Variants in BSN observed in about 807,000 individuals in gnomAD.
BSN encodes protein bassoon.
BSN carries 57 observed loss-of-function variants against 264.8 expected under a neutral mutation model. That is an observed-to-expected ratio of 0.22 (90% CI 0.17 to 0.27). The LOEUF is 0.27. Among genes scored for constraint, BSN ranks in the 10% least tolerant of loss-of-function variants. The pLI is 1.00. For missense variants in BSN, 4,615 were observed against 5,232.5 expected (o/e 0.88, Z 3.64); for synonymous variants, 2,059 against 2,137.3 (o/e 0.96, Z 1.01).
Position 49,655,714 on chromosome 3 carries a change from C to T in BSN, c.6158C>T (p.Ala2053Val), listed in dbSNP as rs1396429656. 6.2e-7 allele frequency: 1 copy of T among 1,613,560 alleles called. No individual in the cohort carries two copies. The highest frequency in any genetic ancestry group is 8.5e-7 in the Non-Finnish European group (1 of 1,180,038). The change falls in exon 5 of 12, where the codon GCT becomes GTT. Residue 2053 changes from alanine (A) to valine (V), a missense_variant. Physicochemically the swap from Ala to Val is moderately conservative, Grantham distance 64 (BLOSUM62 0). This residue lies in a region of BSN where 3,415 missense variants were observed against 3,866.4 expected (regional missense o/e 0.88). Transcript: ENST00000296452. ...CTGCGTCATCCTACAGACCTTTTGG[C>T]TCACCCGCTTCCCATGCGGCGCTAT... ...TDLRHPTDLL[A>V]HPLPMRRYSS...
chr3:49,569,714 A>G (rs143029006), intron 1 of BSN, among the ~76,000 whole-genome samples: 1 of 152,194 alleles, frequency 6.6e-6, no homozygotes, highest in Non-Finnish European at 1.5e-5. Context: ...GGCTCATTCT[A>G]TTGGCTCTAG....
chr3:49,614,241 A>G (rs371568185), intron 1 of BSN, among the ~76,000 whole-genome samples: 8 of 151,772 alleles, frequency 5.3e-5, no homozygotes, highest in Admixed American at 2.0e-4. Flanking sequence ...TTGTATTTTT[A>G]GTAGAGACAG....
At chr3:49,598,802 T>C (rs138873126) in intron 1 of BSN, among the ~76,000 whole-genome samples, 92 of 152,254 alleles carry the variant, frequency 6.0e-4, no homozygotes, top group African/African-American at 2.1e-3. Context: ...TTCAACATAG[T>C]AATGGAAGTT....
intron 3 of BSN, among the ~76,000 whole-genome samples, chr3:49,649,550 G>A (rs912613879): frequency 6.6e-6 from 1 of 152,216 alleles, no homozygotes; most frequent in African/African-American, 2.4e-5. Flanking sequence ...ACATGCCCCT[G>A]TCAGCCTCAG....
intron 1 of BSN, among the ~76,000 whole-genome samples, chr3:49,564,215 G>A (rs928101238): frequency 6.6e-6 from 1 of 152,142 alleles, no homozygotes; most frequent in African/African-American, 2.4e-5. Flanking sequence ...TCTGAAGGAT[G>A]CGGGGCCTTC....
chr3:49,629,235 C>T (rs1321095570), intron 2 of BSN, among the ~76,000 whole-genome samples: 1 of 152,264 alleles, frequency 6.6e-6, no homozygotes, highest in African/African-American at 2.4e-5. Context: ...GCATCAGTGC[C>T]TTTGCTAATG....
intron 1 of BSN, among the ~76,000 whole-genome samples, chr3:49,589,258 T>C (rs2051959692): frequency 6.6e-6 from 1 of 151,668 alleles, no homozygotes; most frequent in Admixed American, 6.6e-5. Flanking sequence ...TAGTTTATAG[T>C]GTTGCTCAAG....
chr3:49,642,157 G>T lies in BSN; in HGVS notation c.634-111G>T. On this transcript the variant is annotated intron_variant, in intron 2 of 11. Transcript: ENST00000296452. The surrounding 1 kb of genome is among the most constrained non-coding windows in gnomAD (Gnocchi z 7.0). ...CAGAAATGCCTGAGCAGGGCTTGGT[G>T]CTCCTGCCTGTGCTAGGAGTGGCCT... is the stretch of plus-strand genomic sequence containing the variant. 1.2e-6 allele frequency: 1 copy of T among 851,508 alleles called. No homozygotes were observed. The highest frequency in any genetic ancestry group is 1.7e-6 in the Non-Finnish European group (1 of 594,252). The allele number at this position is 851,508 out of a possible 1,614,324, so 52.7% of individuals were successfully genotyped here. A position where few individuals can be genotyped will look rare whatever the true frequency, so the allele number is the denominator to read the frequency against.
Position 49,654,137 on chromosome 3 carries a change from A to C in BSN, c.4581A>C (p.Ser1527=), listed in dbSNP as rs1420754706. 5.6e-6 allele frequency: 9 copies of C among 1,613,712 alleles called. No homozygotes were observed. The highest frequency in any genetic ancestry group is 7.6e-6 in the Non-Finnish European group (9 of 1,179,990). ...MPRSPGAPTP[S]PMVAQGTQTP... Reference sequence around the variant, plus strand: ...GGAGCCCTGGTGCCCCCACTCCATCACCTATGGTAGCCCAGGGTACACAAA... The same window carrying C: ...GGAGCCCTGGTGCCCCCACTCCATCCCCTATGGTAGCCCAGGGTACACAAA... The change falls in exon 5 of 12, where the codon TCA becomes TCC. Residue 1527 remains serine, a synonymous_variant. Transcript: ENST00000296452. The surrounding 1 kb of genome is among the most constrained non-coding windows in gnomAD (Gnocchi z 4.1).
chr3:49,643,771 G>C (rs1033776944), intron 3 of BSN, among the ~76,000 whole-genome samples: 9 of 152,220 alleles, frequency 5.9e-5, no homozygotes, highest in Admixed American at 5.9e-4. Context: ...CCTTAGAGCT[G>C]CTACTGGGGA....
At chr3:49,555,564 A>G (rs1176458938) in intron 1 of BSN, among the ~76,000 whole-genome samples, 3 of 152,252 alleles carry the variant, frequency 2.0e-5, no homozygotes, top group South Asian at 2.1e-4. Flanking sequence ...AGAATGCTTT[A>G]AACAGAACAT....
chr3:49,583,583 C>T (rs1029621549), intron 1 of BSN, among the ~76,000 whole-genome samples: 1 of 151,976 alleles, frequency 6.6e-6, no homozygotes, highest in African/African-American at 2.4e-5. Flanking sequence ...GCATTCCAGC[C>T]TGGATGACAG....
At chr3:49,667,331 CT>C (rs1412418491) in intron 11 of BSN, among the ~76,000 whole-genome samples, 6 of 144,494 alleles carry the variant, frequency 4.2e-5, no homozygotes, top group Non-Finnish European at 4.5e-5. Context: ...AAAAAAGGAA[CT>C]TTTGTTACAT....
chr3:49,623,242 C>T (rs1036115416), intron 1 of BSN, among the ~76,000 whole-genome samples: 35 of 152,184 alleles, frequency 2.3e-4, no homozygotes, highest in African/African-American at 7.7e-4. Flanking sequence ...GCAGCAGCTA[C>T]CAGGGCAGTC....
In BSN at chr3:49,658,042, C is replaced by T. The variant is rs777274171; in HGVS notation, c.8486C>T (p.Thr2829Met). The T allele has an allele frequency of 1.3e-5, 21 of 1,613,380 alleles. No individual in the cohort carries two copies. The highest frequency in any genetic ancestry group is 6.6e-5 in the South Asian group (6 of 91,082). Reference protein sequence around the residue: ...KAHVSPQKHFTADSALRQQTL... With the variant: ...KAHVSPQKHFMADSALRQQTL... Reference sequence around the variant, plus strand: ...CACGTGAGTCCCCAGAAGCACTTCACGGCTGACAGCGCTCTCCGCCAGCAG... The same window carrying T: ...CACGTGAGTCCCCAGAAGCACTTCATGGCTGACAGCGCTCTCCGCCAGCAG... Residue 2829 changes from threonine (T) to methionine (M), a missense_variant, in exon 5 of 12, where the codon ACG (threonine) becomes ATG (methionine). By Grantham distance (81) the Thr-to-Met change is moderately conservative. Around this residue, in one of 3 missense-constraint regions of BSN, gnomAD observed 3,415 missense variants for 3,866.4 expected, o/e 0.88. Coordinates refer to ENST00000296452, the MANE Select transcript of BSN (RefSeq NM_003458.4).
intron 3 of BSN, among the ~76,000 whole-genome samples, chr3:49,644,867 TC>T (rs1276453750): frequency 5.9e-5 from 9 of 152,216 alleles, no homozygotes; most frequent in African/African-American, 1.9e-4. Context: ...TCCTGACAGT[TC>T]CTCTTGGCCG....
Position 49,654,356 on chromosome 3 carries a change from G to A in BSN, c.4800G>A (p.Pro1600=), listed in dbSNP as rs374334932. The change falls in exon 5 of 12, where the codon CCG becomes CCA. Residue 1600 remains proline, a synonymous_variant. Transcript: ENST00000296452. This position sits in a 1 kb window ranked among gnomAD's most constrained non-coding sequence, Gnocchi z 4.1. ...TTHGYSQTTP[P]SVSQLPPEPP... Reference sequence around the variant, plus strand: ...ATGGCTACAGCCAGACAACACCTCCGAGTGTGTCTCAGCTGCCCCCAGAGC... The same window carrying A: ...ATGGCTACAGCCAGACAACACCTCCAAGTGTGTCTCAGCTGCCCCCAGAGC... The A allele has an allele frequency of 3.4e-5, 55 of 1,612,626 alleles. No individual in the cohort carries two copies. The highest frequency in any genetic ancestry group is 1.6e-4 in the Middle Eastern group (1 of 6,074).
At chr3:49,561,618 A>G (rs2051712351) in intron 1 of BSN, among the ~76,000 whole-genome samples, 1 of 152,330 alleles carries the variant, frequency 6.6e-6, no homozygotes, top group Admixed American at 6.5e-5. Flanking sequence ...ATGTTTTGAA[A>G]TATGTACATA....
chr3:49,557,438 C>T (rs527730519), intron 1 of BSN, among the ~76,000 whole-genome samples: 14 of 152,220 alleles, frequency 9.2e-5, no homozygotes, highest in African/African-American at 3.4e-4. Flanking sequence ...TACATACACT[C>T]GTGACACACT....
Sources: allele counts gnomAD v4.1 joint callset (sites outside exome capture counted in the v4.1 genomes callset), GRCh38; gene constraint gnomAD v4.1.1; regional missense constraint gnomAD v4.1.1; non-coding constraint Gnocchi (gnomAD v3.1); transcripts MANE v1.5; gene names NCBI Gene and HGNC (gene_info 2026-07-23, HGNC 2026-07-21).